Variants in SCO1 observed in about 807,000 individuals in gnomAD.
The protein encoded by SCO1 is cytochrome c oxidase assembly factor SCO1.
Under a neutral mutation model 34.0 loss-of-function variants are expected in SCO1, and 23 were observed. The observed-to-expected ratio is 0.68, with a 90% CI of 0.49 to 0.96. The LOEUF is 0.96. SCO1 is among the 40% of genes least tolerant of loss of function. The probability of loss-of-function intolerance (pLI) is 0.00; values close to 1 mark genes in which losing one functional copy is unlikely to be tolerated. For synonymous variants in SCO1, 161 were observed against 145.5 expected (o/e 1.11, Z -0.77); for missense variants, 404 against 381.6 (o/e 1.06, Z -0.49).
chr17:10,681,060 T>G lies in SCO1; in HGVS notation c.*59A>C. ...ATGTTTATATTTATATAGGCTCCTA[T>G]GCGAGACAGTTTCCTTCCTCTTAGC... On this transcript the variant is annotated 3_prime_UTR_variant, in exon 6 of 6. Transcript: ENST00000255390. 2 of 1,597,470 alleles carry G rather than the reference T, an allele frequency of 1.3e-6. No homozygotes were observed. The highest frequency in any genetic ancestry group is 1.7e-6 in the Non-Finnish European group (2 of 1,164,936).
Position 10,680,766 on chromosome 17 carries a change from T to C in SCO1, c.*353A>G, listed in dbSNP as rs1015027180. ...CTATTTGAGCAAGGGCCCAAGACGA[T>C]GGAGAGGCGGCAAAGCTGCTGGGAG... On this transcript the variant is annotated 3_prime_UTR_variant, in exon 6 of 6. Coordinates refer to ENST00000255390, the MANE Select transcript of SCO1 (RefSeq NM_004589.4). 4.1e-5 allele frequency: 15 copies of C among 363,988 alleles called. No individual in the cohort carries two copies. The highest frequency in any genetic ancestry group is 6.7e-5 in the Non-Finnish European group (13 of 192,748). 22.5% of individuals were successfully genotyped at this position (363,988 alleles called of 1,614,324 possible). A position where few individuals can be genotyped will look rare whatever the true frequency, so the allele number is the denominator to read the frequency against.
At position 10,675,012 on chromosome 17, in the gene SCO1, G is replaced by C. The variant is rs2074571368; in HGVS notation, c.*6107C>G. On this transcript the variant is annotated 3_prime_UTR_variant, in exon 6 of 6. Coordinates refer to ENST00000255390, the MANE Select transcript of SCO1 (RefSeq NM_004589.4). ...AGGAATGTGCCCACTCTCCCCTTCAGTTTGCTCCTCCTCAGTGTCAGGGTC... is the reference window on the plus strand; with the variant it reads ...AGGAATGTGCCCACTCTCCCCTTCACTTTGCTCCTCCTCAGTGTCAGGGTC... 6.6e-6 allele frequency: 1 copy of C among 152,200 alleles called. No homozygotes were observed. Among genetic ancestry groups the C allele is most frequent in the African/African-American group, 2.4e-5 (1 of 41,408 alleles). The allele number at this position is 152,200 out of a possible 1,614,324, so 9.4% of individuals were successfully genotyped here.
Position 10,691,911 on chromosome 17 carries a change from CTG to C in SCO1, c.614_615del (p.Pro205ArgfsTer49). The C allele has an allele frequency of 6.2e-7, 1 of 1,613,676 alleles. No homozygotes were observed. Among genetic ancestry groups the C allele is most frequent in the Non-Finnish European group, 8.5e-7 (1 of 1,179,564 alleles). On this transcript the variant is annotated frameshift_variant, in exon 4 of 6. Transcript: ENST00000255390. LOFTEE classifies it high-confidence loss of function. ...GCGATGGCTTCTTTTGTGTCCCTCT[CTG>C]GGTCAATGCTGATGAAAAGTGGAGT... is the stretch of plus-strand genomic sequence containing the variant. ...DLTPLFISID[P>X]ERDTKEAIAN...
At chr17:10,684,939 T>C (rs1029054207) in intron 5 of SCO1, among the ~76,000 whole-genome samples, 6 of 152,240 alleles carry the variant, frequency 3.9e-5, no homozygotes, top group African/African-American at 1.4e-4. Context: ...AGAAAAGTGC[T>C]CATTTTTCTC....
chr17:10,693,827 TC>T (rs1371301418), intron 2 of SCO1, among the ~76,000 whole-genome samples: 2 of 152,310 alleles, frequency 1.3e-5, no homozygotes, highest in Admixed American at 6.5e-5. Context: ...CCAAGGGGGC[TC>T]CCGCTGATCA....
intron 1 of SCO1, 130 bp from the exon 2 acceptor site, chr17:10,695,961 G>A: frequency 1.5e-6 from 1 of 687,814 alleles, no homozygotes; most frequent in South Asian, 1.5e-5. Context: ...AATGTTTCAG[G>A]GATGAGAAAA....
chr17:10,695,794 A>G lies in SCO1; in HGVS notation c.311T>C (p.Ile104Thr). The G allele has an allele frequency of 6.2e-7, 1 of 1,613,746 alleles. No homozygotes were observed. Among genetic ancestry groups the G allele is most frequent in the Non-Finnish European group, 8.5e-7 (1 of 1,179,890 alleles). Residue 104 changes from isoleucine to threonine, a missense_variant, in exon 2 of 6, where the codon ATT becomes ACT. Transcript: ENST00000255390. ...SWKSLAITFA[I>T]GGALLAGMKH... ...CATTCCAGCCAGTAAAGCTCCTCCA[A>G]TAGCAAATGTGATTGCTAAAGACTT...
At position 10,674,058 on chromosome 17, in the gene SCO1, C is replaced by T. The variant is rs1200257964; in HGVS notation, c.*7061G>A. The T allele has an allele frequency of 6.6e-6, 1 of 152,110 alleles. No individual in the cohort carries two copies. The highest frequency in any genetic ancestry group is 2.4e-5 in the African/African-American group (1 of 41,414). 9.4% of individuals were successfully genotyped at this position (152,110 alleles called of 1,614,324 possible). A position where few individuals can be genotyped will look rare whatever the true frequency, so the allele number is the denominator to read the frequency against. ...CCTATTGGGTAAAAATTAATAGACT[C>T]TGTGGTATTGGGGGTTGAGGAGAAT... On this transcript the variant is annotated 3_prime_UTR_variant, in exon 6 of 6. Coordinates refer to ENST00000255390, the MANE Select transcript of SCO1 (RefSeq NM_004589.4).
intron 2 of SCO1, among the ~76,000 whole-genome samples, chr17:10,693,803 C>T (rs1044574580): frequency 6.6e-6 from 1 of 152,178 alleles, no homozygotes; most frequent in African/African-American, 2.4e-5. Context: ...GTGTCAAAGA[C>T]ACAGAAGCCT....
chr17:10,685,952 G>A (rs1203548296), intron 5 of SCO1, among the ~76,000 whole-genome samples: 2 of 152,246 alleles, frequency 1.3e-5, no homozygotes, highest in Non-Finnish European at 2.9e-5. Flanking sequence ...TTCTGGCTGG[G>A]CGCAGTGGCT....
chr17:10,689,098 A>G, intron 4 of SCO1, among the ~76,000 whole-genome samples: 1 of 120,564 alleles, frequency 8.3e-6, no homozygotes, highest in Admixed American at 9.1e-5. Context: ...CCTGGGCGAC[A>G]GAGCGAGACT....
At chr17:10,696,245 G>C (rs2074724806) in intron 1 of SCO1, among the ~76,000 whole-genome samples, 1 of 152,098 alleles carries the variant, frequency 6.6e-6, no homozygotes, top group Admixed American at 6.5e-5. Context: ...GGGAGTTTGA[G>C]ACCAGCATGG....
rs369847747 is a variant in SCO1, at chr17:10,691,899, T to C, written c.628A>G (p.Lys210Glu). 15 of 1,612,658 alleles carry C rather than the reference T, an allele frequency of 9.3e-6. No homozygotes were observed. The highest frequency in any genetic ancestry group is 2.2e-5 in the East Asian group (1 of 44,882). The change falls in exon 4 of 6, where the codon AAA becomes GAA. Residue 210 changes from lysine to glutamate, a missense_variant. By Grantham distance (56) the Lys-to-Glu change is moderately conservative. Coordinates refer to ENST00000255390, the MANE Select transcript of SCO1 (RefSeq NM_004589.4). Reference protein sequence around the residue: ...FISIDPERDTKEAIANYVKEF... With the variant: ...FISIDPERDTEEAIANYVKEF... ...TTCACATAATTTGCGATGGCTTCTT[T>C]TGTGTCCCTCTCTGGGTCAATGCTG... is the stretch of plus-strand genomic sequence containing the variant.
intron 4 of SCO1, 71 bp downstream of exon 4, chr17:10,691,800 TA>T: frequency 1.1e-6 from 1 of 927,988 alleles, no homozygotes; most frequent in Middle Eastern, 2.2e-4. Flanking sequence ...CAAGGCACTG[TA>T]AGGTTCAAAT....
At position 10,681,056 on chromosome 17, in the gene SCO1, C is replaced by G. The variant is rs2074618623; in HGVS notation, c.*63G>C. The G allele has an allele frequency of 3.8e-6, 6 of 1,578,262 alleles. No individual in the cohort carries two copies. Among genetic ancestry groups the G allele is most frequent in the Non-Finnish European group, 5.2e-6 (6 of 1,147,526 alleles). On this transcript the variant is annotated 3_prime_UTR_variant, in exon 6 of 6. Transcript: ENST00000255390. Reference sequence around the variant, plus strand: ...ATATATGTTTATATTTATATAGGCTCCTATGCGAGACAGTTTCCTTCCTCT... The same window carrying G: ...ATATATGTTTATATTTATATAGGCTGCTATGCGAGACAGTTTCCTTCCTCT...
chr17:10,695,596 G>C (rs1200196993), intron 2 of SCO1, 145 bp downstream of exon 2: 6 of 614,148 alleles, frequency 9.8e-6, no homozygotes, highest in Admixed American at 5.6e-5. Flanking sequence ...CTGGGTGAAA[G>C]GTATGTAGAA....
rs969280380 is a variant in SCO1 at position 10,686,976 on chromosome 17, G to T, written c.656-134C>A. 5 of 689,130 alleles carry T rather than the reference G, an allele frequency of 7.3e-6. No homozygotes were observed. The East Asian group carries it at 8.0e-5, about 11-fold the overall frequency. The allele number at this position is 689,130 out of a possible 1,614,324, so 42.7% of individuals were successfully genotyped here. ...TGTGAGTCTCCAAACATTTCTTCAC[G>T]ATTCAAAGGAAAAGGAGAAGAAATT... On this transcript the variant is annotated intron_variant, in intron 4 of 5. Coordinates refer to ENST00000255390, the MANE Select transcript of SCO1 (RefSeq NM_004589.4).
At chr17:10,696,951 A>AT (rs1726951933) in intron 1 of SCO1, among the ~76,000 whole-genome samples, 2 of 110,576 alleles carry the variant, frequency 1.8e-5, no homozygotes, top group African/African-American at 8.2e-5. Flanking sequence ...CCTGAAACTT[A>AT]ATTTTTTTTT....
chr17:10,686,581 C>CA (rs10712779), intron 5 of SCO1, 146 bp downstream of exon 5: 9,468 of 519,146 alleles, frequency 0.018, 1 homozygote, highest in Middle Eastern at 0.023. Context: ...GACTCCATCT[C>CA]AAAAAAAAAA....
Sources: allele counts gnomAD v4.1 joint callset (sites outside exome capture counted in the v4.1 genomes callset), GRCh38; gene constraint gnomAD v4.1.1; transcripts MANE v1.5; gene names NCBI Gene and HGNC (gene_info 2026-07-23, HGNC 2026-07-21).